Variants in TNFSF4 observed in about 807,000 individuals in gnomAD.
The protein encoded by TNFSF4 is TNF superfamily member 4.
A neutral mutation model predicts 7.3 loss-of-function variants in TNFSF4; 4 were observed. The observed-to-expected ratio is 0.55, with a 90% CI of 0.27 to 1.25. TNFSF4 has a LOEUF of 1.25. Among genes scored for constraint, TNFSF4 ranks in the 50% most tolerant of loss-of-function variants. The pLI, the probability that TNFSF4 is intolerant of heterozygous loss-of-function variation, is 0.12. For missense variants in TNFSF4, 181 were observed against 208.8 expected, an observed-to-expected ratio of 0.87 and a Z score of 0.82; for synonymous variants, 76 against 83.7, an observed-to-expected ratio of 0.91 and a Z score of 0.50.
At chr1:173,220,139 T>C in the TNFSF4 span, among the ~76,000 whole-genome samples, 4,285 of 152,228 alleles carry the variant, frequency 0.028, 65 homozygotes, top group Admixed American at 0.055. Flanking sequence ...CAGTAGAAAC[T>C]CAGCAACCTT....
chr1:173,195,274 T>G (rs1649651654), intron 1 of TNFSF4, among the ~76,000 whole-genome samples: 1 of 152,200 alleles, frequency 6.6e-6, no homozygotes, highest in South Asian at 2.1e-4. Context: ...CAGATATACA[T>G]CAAAATATCC....
the TNFSF4 span, among the ~76,000 whole-genome samples, chr1:173,316,136 CCA>C: frequency 6.6e-6 from 1 of 152,106 alleles, no homozygotes; most frequent in Non-Finnish European, 1.5e-5. Flanking sequence ...ATGTGGATAT[CCA>C]GTTTACTCAA....
At chr1:173,411,411 A>C in the TNFSF4 span, among the ~76,000 whole-genome samples, 1 of 152,208 alleles carries the variant, frequency 6.6e-6, no homozygotes, top group East Asian at 1.9e-4. Flanking sequence ...CTGGACTATA[A>C]GAAGGTATTT....
downstream of TNFSF4, among the ~76,000 whole-genome samples, chr1:173,179,648 C>A (rs1649016158): frequency 6.6e-6 from 1 of 152,150 alleles, no homozygotes; most frequent in Non-Finnish European, 1.5e-5. Context: ...TTTTATCCAT[C>A]TTTGGATGAT....
At chr1:173,321,255 T>C in the TNFSF4 span, among the ~76,000 whole-genome samples, 1 of 152,198 alleles carries the variant, frequency 6.6e-6, no homozygotes, top group Non-Finnish European at 1.5e-5. Context: ...TAAATGGTGT[T>C]GGGAAAACTG....
chr1:173,288,103 G>T, the TNFSF4 span, among the ~76,000 whole-genome samples: 2 of 152,180 alleles, frequency 1.3e-5, no homozygotes, highest in East Asian at 1.9e-4. Flanking sequence ...ACTATAAAGA[G>T]AAGTTAACAA....
the TNFSF4 span, among the ~76,000 whole-genome samples, chr1:173,300,696 T>C: frequency 2.0e-5 from 3 of 150,962 alleles, no homozygotes; most frequent in African/African-American, 7.3e-5. Context: ...ATCAACATAA[T>C]TTCCAGTTTT....
the TNFSF4 span, among the ~76,000 whole-genome samples, chr1:173,358,058 C>T: frequency 6.6e-6 from 1 of 152,232 alleles, no homozygotes; most frequent in Non-Finnish European, 1.5e-5. Flanking sequence ...GGGGGGGTAT[C>T]CTGGATTAGC....
the TNFSF4 span, among the ~76,000 whole-genome samples, chr1:173,176,331 A>T: frequency 1.3e-5 from 2 of 152,138 alleles, no homozygotes; most frequent in Non-Finnish European, 2.9e-5. Flanking sequence ...TAATGAGGAG[A>T]TATTATTAAT....
At chr1:173,234,371 A>G in the TNFSF4 span, among the ~76,000 whole-genome samples, 3 of 152,238 alleles carry the variant, frequency 2.0e-5, no homozygotes, top group African/African-American at 7.2e-5. Flanking sequence ...TAGTTCAACC[A>G]TTGTGGAAGA....
chr1:173,384,427 A>C, the TNFSF4 span, among the ~76,000 whole-genome samples: 1 of 152,228 alleles, frequency 6.6e-6, no homozygotes, highest in East Asian at 1.9e-4. Context: ...AGAGCAGTAC[A>C]CAATATTGTT....
the TNFSF4 span, among the ~76,000 whole-genome samples, chr1:173,439,018 A>G: frequency 3.9e-5 from 6 of 152,308 alleles, no homozygotes; most frequent in Admixed American, 3.9e-4. Flanking sequence ...CATCAATACA[A>G]GCTGAGTGAG....
chr1:173,372,493 C>T, the TNFSF4 span, among the ~76,000 whole-genome samples: 2 of 152,188 alleles, frequency 1.3e-5, no homozygotes, highest in Admixed American at 6.5e-5. Flanking sequence ...CTTACTCAGA[C>T]TCGTGGGACA....
chr1:173,350,975 T>C, the TNFSF4 span, among the ~76,000 whole-genome samples: 1 of 152,256 alleles, frequency 6.6e-6, no homozygotes, highest in East Asian at 1.9e-4. Context: ...ATCTAAAGAC[T>C]AGAAAGAAAA....
chr1:173,294,435 G>A, the TNFSF4 span, among the ~76,000 whole-genome samples: 1 of 151,842 alleles, frequency 6.6e-6, no homozygotes, highest in African/African-American at 2.4e-5. Context: ...AGGAACAATA[G>A]ACACTGGGGC....
At chr1:173,324,258 G>A in the TNFSF4 span, among the ~76,000 whole-genome samples, 6 of 152,212 alleles carry the variant, frequency 3.9e-5, no homozygotes, top group East Asian at 3.9e-4. Context: ...ATATCCAGCC[G>A]AACCAAACTT....
At chr1:173,261,338 G>A in the TNFSF4 span, among the ~76,000 whole-genome samples, 2 of 152,066 alleles carry the variant, frequency 1.3e-5, no homozygotes, top group African/African-American at 4.8e-5. Flanking sequence ...GTGTTAACAG[G>A]GAAATTTATA....
the TNFSF4 span, among the ~76,000 whole-genome samples, chr1:173,437,070 G>GT: frequency 6.6e-6 from 1 of 152,172 alleles, no homozygotes; most frequent in Non-Finnish European, 1.5e-5. Flanking sequence ...AGCATCACTG[G>GT]TTGGCAGTAT....
the TNFSF4 span, among the ~76,000 whole-genome samples, chr1:173,391,435 C>CAAAAAAAAA: frequency 9.2e-6 from 1 of 108,818 alleles, no homozygotes; most frequent in African/African-American, 3.4e-5. Flanking sequence ...CCTTAGAAAG[C>CAAAAAAAAA]AAAAAAAAAA....
Sources: allele counts gnomAD v4.1 joint callset (sites outside exome capture counted in the v4.1 genomes callset), GRCh38; gene constraint gnomAD v4.1.1; transcripts MANE v1.5; gene names NCBI Gene and HGNC (gene_info 2026-07-23, HGNC 2026-07-21).